The following PDE4D variants were observed in gnomAD, a reference collection of about 807,000 sequenced individuals.
The protein encoded by PDE4D is phosphodiesterase 4D.
PDE4D carries 24 observed loss-of-function variants against 87.4 expected under a neutral mutation model. The ratio of observed to expected loss-of-function variants is 0.27; its 90% CI spans 0.20 to 0.39. The LOEUF (loss-of-function observed/expected upper bound fraction) is 0.39. PDE4D is among the 10% of genes least tolerant of loss of function. PDE4D has a pLI of 1.00. For synonymous variants in PDE4D, 384 were observed against 383.2 expected (o/e 1.00, Z -0.02); for missense variants, 714 against 1,041.0 (o/e 0.69, Z 4.32).
chr5:59,601,584 C>A (rs1381347797), intron 1 of PDE4D, among the ~76,000 whole-genome samples: 1 of 152,032 alleles, frequency 6.6e-6, no homozygotes, highest in African/African-American at 2.4e-5. Context: ...AACTGTCTTT[C>A]TTTTTCCTCT....
At chr5:60,334,180 T>C (rs557138825) in intron 1 of PDE4D, among the ~76,000 whole-genome samples, 45 of 152,320 alleles carry the variant, frequency 3.0e-4, no homozygotes, top group South Asian at 2.1e-3. Flanking sequence ...AATTTTATCT[T>C]CTTGAAGACC....
intron 1 of PDE4D, among the ~76,000 whole-genome samples, chr5:59,865,475 C>T (rs1476893160): frequency 6.6e-6 from 1 of 152,186 alleles, no homozygotes. Flanking sequence ...CAGGGACCCA[C>T]TGCCACAGCC....
At chr5:59,771,118 C>T (rs939367164) in intron 1 of PDE4D, among the ~76,000 whole-genome samples, 2 of 148,360 alleles carry the variant, frequency 1.3e-5, no homozygotes, top group Non-Finnish European at 3.0e-5. Flanking sequence ...CATGACAGAG[C>T]GAGACCCAGC....
At chr5:60,132,546 G>C (rs536747899) in intron 2 of PDE4D, among the ~76,000 whole-genome samples, 4 of 152,178 alleles carry the variant, frequency 2.6e-5, no homozygotes, top group Admixed American at 6.5e-5. Context: ...GGTGTAAGTA[G>C]TGATTAAAGA....
At chr5:59,338,213 C>T (rs1285189604) in intron 1 of PDE4D, among the ~76,000 whole-genome samples, 1 of 152,142 alleles carries the variant, frequency 6.6e-6, no homozygotes, top group Non-Finnish European at 1.5e-5. Flanking sequence ...CAACAATCAA[C>T]TGAGGTAATA....
intron 5 of PDE4D, among the ~76,000 whole-genome samples, chr5:59,148,875 C>T (rs1251013957): frequency 4.6e-5 from 7 of 152,022 alleles, no homozygotes; most frequent in East Asian, 1.9e-4. Flanking sequence ...CTTAAACCCA[C>T]ATTTGACTCA....
At chr5:60,246,317 T>A (rs1401609173) in intron 1 of PDE4D, among the ~76,000 whole-genome samples, 1 of 142,044 alleles carries the variant, frequency 7.0e-6, no homozygotes, top group Non-Finnish European at 1.6e-5. Context: ...CATGTGGGAT[T>A]CTTTTTGTTG....
chr5:59,668,864 GAA>G (rs1746636622), intron 1 of PDE4D, among the ~76,000 whole-genome samples: 1 of 71,624 alleles, frequency 1.4e-5, no homozygotes, highest in African/African-American at 6.4e-5. Flanking sequence ...AGAAGAAGAA[GAA>G]GAAGAAGAAG....
rs115399197 is a variant in PDE4D, at chr5:60,147,024, T to A, written c.42+38533A>T. On this transcript the variant is annotated intron_variant, in intron 2 of 16. Transcript: ENST00000502484. Reference sequence around the variant, plus strand: ...CCCTTGTACCCTGTTGGTGGGAGTGTAAATTAATACAAGCACCATTCAAAT... The same window carrying A: ...CCCTTGTACCCTGTTGGTGGGAGTGAAAATTAATACAAGCACCATTCAAAT... 6.1e-3 allele frequency among the ~76,000 whole-genome samples: 927 copies of A among 152,272 alleles called. 8 individuals carry two copies. The highest frequency in any genetic ancestry group is 0.021 in the African/African-American group (883 of 41,546).
In PDE4D at chr5:60,076,948, C is replaced by T. The variant is rs559943522; in HGVS notation, c.43-88231G>A. Among the ~76,000 whole-genome samples, 28 of 152,252 alleles carry T rather than the reference C, an allele frequency of 1.8e-4. No homozygotes were observed. The East Asian group carries it at 5.4e-3, about 30-fold the overall frequency. On this transcript the variant is annotated intron_variant, in intron 2 of 16. Transcript: ENST00000502484. Reference sequence around the variant, plus strand: ...TGGCGACATGGCTTGGGGGCGGGGACCCCCACCAGTGACTGTGTGTGCATT... The same window carrying T: ...TGGCGACATGGCTTGGGGGCGGGGATCCCCACCAGTGACTGTGTGTGCATT...
chr5:59,485,394 C>A (rs1019538920), intron 1 of PDE4D, among the ~76,000 whole-genome samples: 1 of 152,094 alleles, frequency 6.6e-6, no homozygotes, highest in Non-Finnish European at 1.5e-5. Flanking sequence ...TATACCCACA[C>A]TGCAAGTTTT....
At chr5:60,045,260 T>C (rs1376900476) in intron 2 of PDE4D, among the ~76,000 whole-genome samples, 3 of 152,082 alleles carry the variant, frequency 2.0e-5, no homozygotes, top group Non-Finnish European at 4.4e-5. Context: ...TTCTGGATAT[T>C]AGCCCTTTGT....
At chr5:59,883,221 C>G (rs1328767824) in intron 1 of PDE4D, among the ~76,000 whole-genome samples, 1 of 152,114 alleles carries the variant, frequency 6.6e-6, no homozygotes, top group Non-Finnish European at 1.5e-5. Flanking sequence ...GTCAAAAAAG[C>G]AATATTTGAG....
chr5:60,442,528 A>G (rs1463385734), intron 1 of PDE4D, among the ~76,000 whole-genome samples: 1 of 152,148 alleles, frequency 6.6e-6, no homozygotes, highest in East Asian at 1.9e-4. Context: ...ACACGTGTAT[A>G]CCTATGTAAC....
At chr5:59,406,383 CTTATCT>C (rs1243503838) in intron 1 of PDE4D, among the ~76,000 whole-genome samples, 3 of 92,752 alleles carry the variant, frequency 3.2e-5, no homozygotes, top group Non-Finnish European at 6.2e-5. Flanking sequence ...CTTATCTTTC[CTTATCT>C]TTCCTTCCCC....
chr5:59,051,042 T>C (rs1561391360), intron 5 of PDE4D, among the ~76,000 whole-genome samples: 1 of 152,220 alleles, frequency 6.6e-6, no homozygotes, highest in Non-Finnish European at 1.5e-5. Flanking sequence ...TATTAACCAG[T>C]TCTGAGCCAA....
At chr5:60,335,296 G>T (rs902454429) in intron 1 of PDE4D, among the ~76,000 whole-genome samples, 1 of 152,214 alleles carries the variant, frequency 6.6e-6, no homozygotes, top group African/African-American at 2.4e-5. Context: ...GAGTAGAAAA[G>T]GGAAGGGGTG....
chr5:59,751,611 G>GTGTGTGTGT (rs59328183), intron 1 of PDE4D, among the ~76,000 whole-genome samples: 4 of 144,212 alleles, frequency 2.8e-5, no homozygotes, highest in African/African-American at 7.9e-5. Context: ...GTGTGTGTGT[G>GTGTGTGTGT]ATGTGAGAGC....
intron 1 of PDE4D, among the ~76,000 whole-genome samples, chr5:60,359,713 ACAGT>A (rs1759896047): frequency 6.6e-6 from 1 of 152,178 alleles, no homozygotes; most frequent in African/African-American, 2.4e-5. Context: ...ACCTTTATAG[ACAGT>A]CAGTTTGCCT....
Sources: gnomAD v4.1 joint callset for allele counts (sites outside exome capture counted in the v4.1 genomes callset) on GRCh38, gnomAD v4.1.1 for gene constraint, MANE v1.5 for transcripts, NCBI Gene and HGNC (gene_info 2026-07-23, HGNC 2026-07-21) for gene names.